RABGEF1: variants seen among roughly 807,000 people sequenced by gnomAD.
RABGEF1 encodes the protein rab5 GDP/GTP exchange factor.
Under a neutral mutation model 57.3 loss-of-function variants are expected in RABGEF1, and 26 were observed. The ratio of observed to expected loss-of-function variants is 0.45; its 90% confidence interval spans 0.33 to 0.63. The LOEUF (loss-of-function observed/expected upper bound fraction) is 0.63. Ranked by LOEUF, RABGEF1 falls within the 20% of genes least tolerant of loss-of-function variation. RABGEF1 has a pLI of 0.02. For missense variants in RABGEF1, 464 were observed against 607.6 expected (o/e 0.76, Z 2.48); for synonymous variants, 185 against 210.7 (o/e 0.88, Z 1.06).
chr7:66,755,789 T>C, intron 1 of RABGEF1: 1 of 347,598 alleles, frequency 2.9e-6, no homozygotes. Context: ...AAGACTGTTG[T>C]CTAGAACTCA....
At chr7:66,808,342 G>C (rs1022535823) in intron 8 of RABGEF1, among the ~76,000 whole-genome samples, 21 of 151,850 alleles carry the variant, frequency 1.4e-4, no homozygotes, top group African/African-American at 5.1e-4. Flanking sequence ...CAGTCTCCCA[G>C]GTAGCGGGGA....
At chr7:66,763,162 C>T (rs1804862599) in intron 1 of RABGEF1, among the ~76,000 whole-genome samples, 1 of 152,162 alleles carries the variant, frequency 6.6e-6, no homozygotes, top group Non-Finnish European at 1.5e-5. Flanking sequence ...TGCCCCTAGT[C>T]CACAGCACTC....
At chr7:66,761,651 G>C (rs1361858917) in intron 1 of RABGEF1, among the ~76,000 whole-genome samples, 1 of 152,174 alleles carries the variant, frequency 6.6e-6, no homozygotes, top group African/African-American at 2.4e-5. Context: ...GACCCTCTCT[G>C]GGGAGGGTTT....
chr7:66,684,730 G>A (rs1433330479), intron 1 of RABGEF1, among the ~76,000 whole-genome samples: 2 of 152,138 alleles, frequency 1.3e-5, no homozygotes, highest in Non-Finnish European at 2.9e-5. Flanking sequence ...CGCCTCCAGG[G>A]TTCATGCCAT....
chr7:66,740,581 G>A (rs894578097), upstream of RABGEF1: 1 of 152,582 alleles, frequency 6.6e-6, no homozygotes, highest in Non-Finnish European at 1.5e-5. Context: ...CACTCCGCTC[G>A]ACCCTTTGGA....
chr7:66,719,079 T>A (rs1795715036), intron 2 of RABGEF1, among the ~76,000 whole-genome samples: 1 of 152,232 alleles, frequency 6.6e-6, no homozygotes. Context: ...CGCAGAGCAT[T>A]TGGTGGTTAC....
At chr7:66,696,066 T>A (rs968341821) in intron 1 of RABGEF1, among the ~76,000 whole-genome samples, 1 of 151,600 alleles carries the variant, frequency 6.6e-6, no homozygotes, top group African/African-American at 2.4e-5. Context: ...GACTTTAAAA[T>A]ATATATATAT....
intron 3 of RABGEF1, among the ~76,000 whole-genome samples, chr7:66,776,465 G>A (rs1808575465): frequency 6.6e-6 from 1 of 152,210 alleles, no homozygotes; most frequent in Non-Finnish European, 1.5e-5. Flanking sequence ...GGCCAAGACA[G>A]ATGGATTACC....
chr7:66,786,463 G>A (rs1025828907), intron 4 of RABGEF1, among the ~76,000 whole-genome samples: 7 of 152,008 alleles, frequency 4.6e-5, no homozygotes, highest in African/African-American at 1.7e-4. Context: ...GAGCACAATA[G>A]CGCAGTTGCT....
At chr7:66,780,414 T>C (rs539163834) in intron 3 of RABGEF1, among the ~76,000 whole-genome samples, 21 of 152,316 alleles carry the variant, frequency 1.4e-4, no homozygotes, top group African/African-American at 4.8e-4. Context: ...CTGATAGACT[T>C]GTGAGGATTA....
chr7:66,679,737 G>A (rs1254221929), upstream of RABGEF1, among the ~76,000 whole-genome samples: 1 of 152,058 alleles, frequency 6.6e-6, no homozygotes, highest in Admixed American at 6.6e-5. Context: ...CTTATTGAAC[G>A]CTCATTGTGG....
chr7:66,809,035 A>C lies in RABGEF1; in HGVS notation c.1227A>C (p.Gln409His), dbSNP rs777511369. The C allele has an allele frequency of 6.2e-7, 1 of 1,614,060 alleles. No individual in the cohort carries two copies. Among genetic ancestry groups the C allele is most frequent in the African/African-American group, 1.3e-5 (1 of 74,932 alleles). The part of the protein sequence containing the change: ...WSPDACLGVK[Q>H]MYKNLDLLSQ... ...CTGATGCTTGCTTAGGCGTCAAGCAAATGTATAAGAACTTGGATCTCTTGT... is the reference window on the plus strand; with the variant it reads ...CTGATGCTTGCTTAGGCGTCAAGCACATGTATAAGAACTTGGATCTCTTGT... Residue 409 changes from glutamine to histidine, a missense_variant, in exon 9 of 9, where the codon CAA becomes CAC. By Grantham distance (24) the Gln-to-His change is conservative. Transcript: ENST00000284957.
At position 66,809,298 on chromosome 7, in the gene RABGEF1, G is replaced by A. The variant is rs776176843; in HGVS notation, c.*14G>A. ...TATGCAGGATGATCACAATTTAGTG[G>A]AGAGTATTTATTTGAGCCTAAATTG... On this transcript the variant is annotated 3_prime_UTR_variant, in exon 9 of 9. Coordinates refer to ENST00000284957, the MANE Select transcript of RABGEF1 (RefSeq NM_014504.3). 1.3e-6 allele frequency: 2 copies of A among 1,592,754 alleles called. No individual in the cohort carries two copies. The highest frequency in any genetic ancestry group is 1.7e-6 in the Non-Finnish European group (2 of 1,167,356).
At chr7:66,684,015 T>G (rs1790199349) in intron 1 of RABGEF1, among the ~76,000 whole-genome samples, 1 of 152,166 alleles carries the variant, frequency 6.6e-6, no homozygotes, top group Admixed American at 6.5e-5. Flanking sequence ...GTGCTGAAAT[T>G]ACAGGCATCG....
At chr7:66,690,100 C>CTTTTTTTT (rs892888858) in intron 1 of RABGEF1, among the ~76,000 whole-genome samples, 1 of 124,214 alleles carries the variant, frequency 8.1e-6, no homozygotes, top group Admixed American at 8.2e-5. Flanking sequence ...ATAAAAAATT[C>CTTTTTTTT]TTTTTTTTTT....
intron 3 of RABGEF1, among the ~76,000 whole-genome samples, chr7:66,778,820 A>T (rs895446870): frequency 5.3e-5 from 8 of 152,166 alleles, no homozygotes; most frequent in Non-Finnish European, 1.0e-4. Flanking sequence ...TGTCAAAATA[A>T]ATAAGGACAA....
intron 4 of RABGEF1, among the ~76,000 whole-genome samples, chr7:66,787,215 G>A (rs1241933672): frequency 7.8e-6 from 1 of 128,660 alleles, no homozygotes; most frequent in East Asian, 2.2e-4. Flanking sequence ...TTTTTTTTTT[G>A]TAGACACAGG....
Position 66,775,294 on chromosome 7 carries a change from T to A in RABGEF1, c.247T>A (p.Phe83Ile). The change falls in exon 3 of 9, where the codon TTC becomes ATC. Residue 83 changes from phenylalanine (F) to isoleucine (I), a missense_variant. Around this residue, in one of 4 missense-constraint regions of RABGEF1, gnomAD observed 284 missense variants for 389.9 expected, o/e 0.73. Transcript: ENST00000284957. ...QSSQGAQSLT[F>I]SKFEEKKTNE... is the part of the protein sequence containing the mutation. Reference sequence around the variant, plus strand: ...CAGCCAAGGGGCCCAATCCCTCACATTCTCCAAGTTTGAAGAAAAGAAAAC... The same window carrying A: ...CAGCCAAGGGGCCCAATCCCTCACAATCTCCAAGTTTGAAGAAAAGAAAAC... 6.2e-7 allele frequency: 1 copy of A among 1,613,966 alleles called. No homozygotes were observed. The highest frequency in any genetic ancestry group is 8.5e-7 in the Non-Finnish European group (1 of 1,179,852).
At chr7:66,692,881 A>C (rs1791737855) in intron 1 of RABGEF1, among the ~76,000 whole-genome samples, 1 of 152,152 alleles carries the variant, frequency 6.6e-6, no homozygotes. Context: ...TGGCACCTAC[A>C]TCCTGGCTGG....
Sources: allele counts gnomAD v4.1 joint callset (sites outside exome capture counted in the v4.1 genomes callset), GRCh38; gene constraint gnomAD v4.1.1; regional missense constraint gnomAD v4.1.1; transcripts MANE v1.5; gene names NCBI Gene and HGNC (gene_info 2026-07-23, HGNC 2026-07-21).